C12orf42: variants seen among roughly 807,000 people sequenced by gnomAD.
The protein encoded by C12orf42 is chromosome 12 open reading frame 42, also known as uncharacterized protein C12orf42.
A neutral mutation model predicts 21.6 loss-of-function variants in C12orf42; 25 were observed. The observed-to-expected ratio is 1.16, with a 90% CI of 0.84 to 1.62. The LOEUF (loss-of-function observed/expected upper bound fraction) is 1.62, where lower values mean the gene tolerates loss of function less well. Among genes scored for constraint, C12orf42 ranks in the 40% most tolerant of loss-of-function variants. The pLI is 0.00. For missense variants in C12orf42, 483 were observed against 459.3 expected (o/e 1.05, Z -0.47); for synonymous variants, 174 against 175.0 (o/e 0.99, Z 0.05).
At chr12:103,118,958 A>G in the C12orf42 span, among the ~76,000 whole-genome samples, 3 of 152,114 alleles carry the variant, frequency 2.0e-5, no homozygotes, top group Non-Finnish European at 4.4e-5. Context: ...ACATGCCCCA[A>G]GTTGCCCAAA....
chr12:103,501,014 T>C, the C12orf42 span, among the ~76,000 whole-genome samples: 2 of 152,248 alleles, frequency 1.3e-5, no homozygotes, highest in South Asian at 2.1e-4. Flanking sequence ...ATTTCAAAGA[T>C]GCAGCTATTC....
At chr12:103,314,986 G>A (rs751887793) in intron 4 of C12orf42, among the ~76,000 whole-genome samples, 40 of 152,248 alleles carry the variant, frequency 2.6e-4, no homozygotes, top group Non-Finnish European at 5.6e-4. Flanking sequence ...GTGTGAAAGG[G>A]TAGTTAGGGA....
the C12orf42 span, among the ~76,000 whole-genome samples, chr12:103,076,787 CACTT>C: frequency 2.6e-5 from 4 of 152,158 alleles, no homozygotes; most frequent in South Asian, 2.1e-4. Context: ...AATACCTACT[CACTT>C]AATTCTTATA....
chr12:103,456,721 G>T (rs1358591391), intron 2 of C12orf42, among the ~76,000 whole-genome samples: 1 of 152,132 alleles, frequency 6.6e-6, no homozygotes, highest in Non-Finnish European at 1.5e-5. Context: ...ATTGCTTAAA[G>T]GTTGAGGCTT....
At chr12:103,355,345 T>C (rs370811868) in intron 4 of C12orf42, among the ~76,000 whole-genome samples, 2 of 152,264 alleles carry the variant, frequency 1.3e-5, no homozygotes, top group South Asian at 4.1e-4. Context: ...GCATACACTC[T>C]TGTCTGCATA....
At chr12:103,304,180 C>T (rs2038036169) in intron 5 of C12orf42, among the ~76,000 whole-genome samples, 2 of 152,130 alleles carry the variant, frequency 1.3e-5, no homozygotes, top group African/African-American at 4.8e-5. Context: ...TCTCTTTGAC[C>T]TTACCCGAAA....
chr12:103,149,128 C>A, the C12orf42 span, among the ~76,000 whole-genome samples: 11 of 152,108 alleles, frequency 7.2e-5, no homozygotes. Flanking sequence ...CCAATGGAAG[C>A]AAAACCATTT....
chr12:103,263,048 A>C (rs1402494917), intron 10 of C12orf42, among the ~76,000 whole-genome samples: 2 of 152,146 alleles, frequency 1.3e-5, no homozygotes, highest in African/African-American at 4.8e-5. Flanking sequence ...AAGATATCAC[A>C]AGGACAGAAA....
chr12:103,079,314 C>A, the C12orf42 span, among the ~76,000 whole-genome samples: 1 of 151,998 alleles, frequency 6.6e-6, no homozygotes, highest in African/African-American at 2.4e-5. Flanking sequence ...GCTATCAGGG[C>A]TGAGTTCAAT....
At chr12:103,212,332 G>C in the C12orf42 span, among the ~76,000 whole-genome samples, 1 of 152,138 alleles carries the variant, frequency 6.6e-6, no homozygotes, top group African/African-American at 2.4e-5. Flanking sequence ...ATAAAATGCA[G>C]TTAACTAATG....
At chr12:103,119,035 T>C in the C12orf42 span, among the ~76,000 whole-genome samples, 2 of 152,136 alleles carry the variant, frequency 1.3e-5, no homozygotes, top group Non-Finnish European at 2.9e-5. Flanking sequence ...CAAAAATGTT[T>C]TGTCTTAGAC....
At chr12:103,304,994 C>T (rs1304686927) in intron 5 of C12orf42, among the ~76,000 whole-genome samples, 1 of 152,130 alleles carries the variant, frequency 6.6e-6, no homozygotes, top group African/African-American at 2.4e-5. Flanking sequence ...CCCTATAAAG[C>T]AGGGGTGTCC....
chr12:103,164,279 G>C, the C12orf42 span: 3 of 386,200 alleles, frequency 7.8e-6, no homozygotes, highest in Non-Finnish European at 1.0e-5. Context: ...TGAATCTTAG[G>C]AAACTTTCAG....
the C12orf42 span, among the ~76,000 whole-genome samples, chr12:103,516,134 C>T: frequency 6.6e-5 from 10 of 152,154 alleles, no homozygotes; most frequent in African/African-American, 2.4e-4. Flanking sequence ...CTTGATGTGC[C>T]ATTTAATATT....
At chr12:103,166,911 T>G in the C12orf42 span, among the ~76,000 whole-genome samples, 1 of 152,166 alleles carries the variant, frequency 6.6e-6, no homozygotes, top group African/African-American at 2.4e-5. Context: ...AAAATTAGCT[T>G]TTATTATAAG....
chr12:103,142,486 T>C, the C12orf42 span, among the ~76,000 whole-genome samples: 2 of 152,212 alleles, frequency 1.3e-5, no homozygotes, highest in African/African-American at 4.8e-5. Context: ...TTTATTTCTC[T>C]TGCAAATCTT....
At chr12:103,342,833 C>T (rs971157146) in intron 4 of C12orf42, among the ~76,000 whole-genome samples, 1 of 152,070 alleles carries the variant, frequency 6.6e-6, no homozygotes, top group African/African-American at 2.4e-5. Flanking sequence ...CAGAGGTCTC[C>T]GCTGCTCTTC....
chr12:103,382,594 T>C (rs2046279111), intron 3 of C12orf42, among the ~76,000 whole-genome samples: 1 of 152,226 alleles, frequency 6.6e-6, no homozygotes, highest in Non-Finnish European at 1.5e-5. Context: ...CTGAGCTAGA[T>C]GTTTAAATCA....
chr12:103,119,817 G>A, the C12orf42 span, among the ~76,000 whole-genome samples: 5 of 152,088 alleles, frequency 3.3e-5, no homozygotes, highest in South Asian at 4.1e-4. Context: ...CTTTTACCTC[G>A]AAGCCAACCA....
Sources: allele counts gnomAD v4.1 joint callset (sites outside exome capture counted in the v4.1 genomes callset), GRCh38; gene constraint gnomAD v4.1.1; transcripts MANE v1.5; gene names NCBI Gene and HGNC (gene_info 2026-07-23, HGNC 2026-07-21).